Variants in EPHA6 observed in about 807,000 individuals in gnomAD.
EPHA6 encodes ephrin type-A receptor 6.
A neutral mutation model predicts 112.0 loss-of-function variants in EPHA6; 50 were observed. The observed-to-expected ratio is 0.45, with a 90% CI of 0.36 to 0.56. EPHA6 has a LOEUF of 0.56. EPHA6 is among the 20% of genes least tolerant of loss of function. The probability of loss-of-function intolerance (pLI) is 0.00; values close to 1 mark genes in which losing one functional copy is unlikely to be tolerated. For missense variants in EPHA6, 1,280 were observed against 1,417.4 expected (o/e 0.90, Z 1.56); for synonymous variants, 529 against 490.7 (o/e 1.08, Z -1.03).
chr3:97,406,092 A>G (rs2087325013), intron 6 of EPHA6, among the ~76,000 whole-genome samples: 1 of 152,180 alleles, frequency 6.6e-6, no homozygotes, highest in African/African-American at 2.4e-5. Context: ...ATCCAGTGGT[A>G]TATTACAATG....
chr3:97,102,536 G>A (rs907326194), intron 3 of EPHA6, among the ~76,000 whole-genome samples: 6 of 151,862 alleles, frequency 4.0e-5, no homozygotes, highest in Admixed American at 3.3e-4. Flanking sequence ...GTACAAATAC[G>A]ATTAAACTTC....
chr3:97,551,531 A>G (rs1377859195), intron 11 of EPHA6, among the ~76,000 whole-genome samples: 1 of 152,034 alleles, frequency 6.6e-6, no homozygotes. Flanking sequence ...TAATGTGTTG[A>G]CCTTTCTCCT....
chr3:97,341,489 G>A (rs2083300544), intron 5 of EPHA6, among the ~76,000 whole-genome samples: 1 of 151,956 alleles, frequency 6.6e-6, no homozygotes, highest in Non-Finnish European at 1.5e-5. Flanking sequence ...CAAGTAGCTG[G>A]GATTACAGGT....
chr3:97,423,535 C>G (rs2088853466), intron 6 of EPHA6, among the ~76,000 whole-genome samples: 1 of 152,062 alleles, frequency 6.6e-6, no homozygotes, highest in Non-Finnish European at 1.5e-5. Flanking sequence ...TATTCATGTA[C>G]AGGATAGAAA....
chr3:97,691,994 C>T (rs962616830), intron 14 of EPHA6, among the ~76,000 whole-genome samples: 1 of 152,130 alleles, frequency 6.6e-6, no homozygotes, highest in African/African-American at 2.4e-5. Flanking sequence ...ATGCTTTGAC[C>T]AACAATCATG....
chr3:97,657,958 T>G (rs890400578), intron 14 of EPHA6, among the ~76,000 whole-genome samples: 1 of 151,578 alleles, frequency 6.6e-6, no homozygotes, highest in African/African-American at 2.4e-5. Context: ...TTACACATCA[T>G]TAGATAGGAC....
At chr3:97,238,747 A>G (rs1355664172) in intron 4 of EPHA6, among the ~76,000 whole-genome samples, 1 of 151,910 alleles carries the variant, frequency 6.6e-6, no homozygotes, top group Admixed American at 6.6e-5. Flanking sequence ...CAACTAAATC[A>G]GAATATGAAG....
At chr3:97,725,790 G>T (rs2034739389) in intron 15 of EPHA6, among the ~76,000 whole-genome samples, 1 of 152,034 alleles carries the variant, frequency 6.6e-6, no homozygotes. Flanking sequence ...AAATATCCCA[G>T]ATGTTGTCCC....
At chr3:97,539,030 T>TCTTTCTTTCTTG (rs1553805977) in intron 11 of EPHA6, among the ~76,000 whole-genome samples, 33 of 145,730 alleles carry the variant, frequency 2.3e-4, no homozygotes, top group East Asian at 1.8e-3. Flanking sequence ...TTTCTTTCTT[T>TCTTTCTTTCTTG]CTTTCTTGCT....
chr3:96,980,759 T>C lies in EPHA6; in HGVS notation c.451-6571T>C, dbSNP rs181757542. Among the ~76,000 whole-genome samples, 835 of 152,278 alleles carry C rather than the reference T, an allele frequency of 5.5e-3. 7 individuals are homozygous for C. Among genetic ancestry groups the C allele is most frequent in the African/African-American group, 0.02 (813 of 41,562 alleles). Reference sequence around the variant, plus strand: ...GGTTTGTATTTCTTTTTGAAGAGGTTCTTCACATCCCTGGTAAGTTGGATT... The same window carrying C: ...GGTTTGTATTTCTTTTTGAAGAGGTCCTTCACATCCCTGGTAAGTTGGATT... On this transcript the variant is annotated intron_variant, in intron 2 of 17. Transcript: ENST00000389672.
chr3:97,601,708 G>C lies in EPHA6; in HGVS notation c.2512+8971G>C, dbSNP rs142759044. Among the ~76,000 whole-genome samples the C allele has an allele frequency of 4.4e-4, 67 of 152,046 alleles. 1 individual carries two copies. The East Asian group carries it at 0.011, about 26-fold the overall frequency. On this transcript the variant is annotated intron_variant, in intron 12 of 17. Transcript: ENST00000389672. ...AAATAGTTACTTGCCTGGTGCATTG[G>C]GGGTGGGGGGAAGGAAAGTAGTCAG...
At chr3:96,945,302 C>T (rs72916457) in intron 2 of EPHA6, among the ~76,000 whole-genome samples, 2,433 of 152,246 alleles carry the variant, frequency 0.016, 64 homozygotes, top group African/African-American at 0.049. Flanking sequence ...TAGACCTGTG[C>T]TGTTCAAAAC....
At position 97,188,673 on chromosome 3, in the gene EPHA6, T is replaced by C. The variant is rs187283386; in HGVS notation, c.1115-37591T>C. ...TTAAATAAAGAATAAGTTATATAAG[T>C]AATGGTAAATTTGTACTATAAATTT... On this transcript the variant is annotated intron_variant, in intron 3 of 17. Transcript: ENST00000389672. Among the ~76,000 whole-genome samples, 413 of 152,086 alleles carry C rather than the reference T, an allele frequency of 2.7e-3. 3 individuals carry two copies. The highest frequency in any genetic ancestry group is 9.2e-3 in the African/African-American group (383 of 41,562).
chr3:97,544,364 C>A (rs2092914267), intron 11 of EPHA6, among the ~76,000 whole-genome samples: 1 of 151,986 alleles, frequency 6.6e-6, no homozygotes, highest in East Asian at 1.9e-4. Flanking sequence ...TGGTTTTTGT[C>A]TTTGGTTCTG....
At chr3:97,610,210 T>C (rs2093708529) in intron 12 of EPHA6, among the ~76,000 whole-genome samples, 1 of 151,628 alleles carries the variant, frequency 6.6e-6, no homozygotes, top group Non-Finnish European at 1.5e-5. Flanking sequence ...TCAGGAACTA[T>C]TACAAATCCT....
chr3:96,914,551 G>A (rs930559708), intron 2 of EPHA6, among the ~76,000 whole-genome samples: 5 of 152,100 alleles, frequency 3.3e-5, no homozygotes, highest in African/African-American at 4.8e-5. Flanking sequence ...GAGACGAAGC[G>A]TTCCGAATAG....
At chr3:96,905,854 T>C (rs2038905450) in intron 2 of EPHA6, among the ~76,000 whole-genome samples, 2 of 152,114 alleles carry the variant, frequency 1.3e-5, no homozygotes, top group Non-Finnish European at 2.9e-5. Flanking sequence ...CTAGATTACC[T>C]ACACTTTGCA....
intron 5 of EPHA6, among the ~76,000 whole-genome samples, chr3:97,313,262 A>G (rs1400266324): frequency 1.3e-5 from 2 of 151,532 alleles, no homozygotes; most frequent in Non-Finnish European, 3.0e-5. Context: ...CATTGTATAT[A>G]TACCACATTT....
At chr3:97,001,178 A>G (rs2107903755) in intron 3 of EPHA6, among the ~76,000 whole-genome samples, 1 of 151,896 alleles carries the variant, frequency 6.6e-6, no homozygotes, top group South Asian at 2.1e-4. Flanking sequence ...TTTGAAGAAA[A>G]TGTGATTATT....
Sources: gnomAD v4.1 joint callset for allele counts (sites outside exome capture counted in the v4.1 genomes callset) on GRCh38, gnomAD v4.1.1 for gene constraint, MANE v1.5 for transcripts, NCBI Gene and HGNC (gene_info 2026-07-23, HGNC 2026-07-21) for gene names.